ANKS1B: variants seen among roughly 807,000 people sequenced by gnomAD.
ANKS1B encodes ankyrin repeat and sterile alpha motif domain containing 1B, also known as ankyrin repeat and sterile alpha motif domain-containing protein 1B.
Under a neutral mutation model 148.3 loss-of-function variants are expected in ANKS1B, and 36 were observed. The ratio of observed to expected loss-of-function variants is 0.24; its 90% CI spans 0.19 to 0.32. The LOEUF is 0.32. Ranked by LOEUF, ANKS1B falls within the 10% of genes least tolerant of loss-of-function variation. The pLI is 1.00. For synonymous variants in ANKS1B, 542 were observed against 560.8 expected (o/e 0.97, Z 0.47); for missense variants, 1,157 against 1,542.6 (o/e 0.75, Z 4.19).
At chr12:99,436,351 T>C (rs953894038) in intron 11 of ANKS1B, among the ~76,000 whole-genome samples, 7 of 152,130 alleles carry the variant, frequency 4.6e-5, no homozygotes, top group East Asian at 1.9e-4. Context: ...ACCTACCTGA[T>C]AGAATTTTTG....
At chr12:99,322,007 G>T (rs563224331) in intron 12 of ANKS1B, among the ~76,000 whole-genome samples, 2 of 152,206 alleles carry the variant, frequency 1.3e-5, no homozygotes, top group Non-Finnish European at 2.9e-5. Context: ...CCATTACTGG[G>T]CATATACCCA....
intron 14 of ANKS1B, among the ~76,000 whole-genome samples, chr12:99,174,786 T>TA (rs1210430558): frequency 3.3e-5 from 5 of 152,246 alleles, no homozygotes; most frequent in African/African-American, 9.6e-5. Context: ...TTTACAAATA[T>TA]AAAAAAATTA....
intron 12 of ANKS1B, among the ~76,000 whole-genome samples, chr12:99,350,236 G>A (rs2152381982): frequency 6.6e-6 from 1 of 152,116 alleles, no homozygotes. Context: ...CTACTGCCAT[G>A]ATTGTAACTT....
chr12:98,835,856 A>G (rs759136258), intron 17 of ANKS1B, among the ~76,000 whole-genome samples: 11 of 152,228 alleles, frequency 7.2e-5, no homozygotes, highest in Non-Finnish European at 1.5e-4. Flanking sequence ...ATCACTGAAG[A>G]TACTGATGGT....
intron 14 of ANKS1B, among the ~76,000 whole-genome samples, chr12:99,176,712 G>T (rs1475726003): frequency 6.6e-6 from 1 of 152,102 alleles, no homozygotes; most frequent in Non-Finnish European, 1.5e-5. Flanking sequence ...GTTCACATGA[G>T]ATCTGGTCAT....
At chr12:99,753,877 G>T (rs2061336831) in intron 8 of ANKS1B, among the ~76,000 whole-genome samples, 1 of 151,908 alleles carries the variant, frequency 6.6e-6, no homozygotes, top group African/African-American at 2.4e-5. Flanking sequence ...CAAAAAATCA[G>T]CCGGGCATGG....
At chr12:99,129,051 G>A (rs894287203) in intron 15 of ANKS1B, among the ~76,000 whole-genome samples, 1 of 152,142 alleles carries the variant, frequency 6.6e-6, no homozygotes, top group Non-Finnish European at 1.5e-5. Context: ...GATGAAACAA[G>A]AGCCAAGGAA....
rs1396362199 is a variant in ANKS1B at position 99,020,066 on chromosome 12, T to C, written c.2778+33091A>G. Reference sequence around the variant, plus strand: ...TATTTTCTCTTTGGACATTTCTCCATCTTTCTTTTTTTTTTTGGTGTAAAA... The same window carrying C: ...TATTTTCTCTTTGGACATTTCTCCACCTTTCTTTTTTTTTTTGGTGTAAAA... On this transcript the variant is annotated intron_variant, in intron 17 of 26. Coordinates refer to ENST00000683438, the MANE Select transcript of ANKS1B (RefSeq NM_001352186.2). Among the ~76,000 whole-genome samples, 4 of 137,884 alleles carry C rather than the reference T, an allele frequency of 2.9e-5. 1 individual carries two copies. The highest frequency in any genetic ancestry group is 1.2e-4 in the African/African-American group (4 of 34,194). 90.5% of individuals were successfully genotyped at this position (137,884 alleles called of 152,430 possible).
intron 14 of ANKS1B, among the ~76,000 whole-genome samples, chr12:99,162,113 G>T (rs981527758): frequency 6.6e-5 from 10 of 152,118 alleles, no homozygotes; most frequent in Non-Finnish European, 1.3e-4. Context: ...TAAATAAAAG[G>T]TCAAGAATAG....
intron 16 of ANKS1B, among the ~76,000 whole-genome samples, chr12:99,075,071 G>C (rs775337990): frequency 6.6e-6 from 1 of 152,170 alleles, no homozygotes; most frequent in Non-Finnish European, 1.5e-5. Context: ...GAAGAAGGAT[G>C]AGAGTTAAGG....
chr12:98,982,178 TA>T (rs1397547447), intron 17 of ANKS1B, among the ~76,000 whole-genome samples: 1 of 152,188 alleles, frequency 6.6e-6, no homozygotes, highest in African/African-American at 2.4e-5. Flanking sequence ...AAGAATGCTA[TA>T]AAAATATATG....
At chr12:99,016,233 A>G (rs938642750) in intron 17 of ANKS1B, among the ~76,000 whole-genome samples, 1 of 152,250 alleles carries the variant, frequency 6.6e-6, no homozygotes, top group Non-Finnish European at 1.5e-5. Context: ...GTTAGAACCC[A>G]TGACACCCCT....
chr12:99,131,187 A>T (rs2065982808), intron 15 of ANKS1B, among the ~76,000 whole-genome samples: 1 of 152,162 alleles, frequency 6.6e-6, no homozygotes, highest in South Asian at 2.1e-4. Context: ...TCCAGGGGCC[A>T]GGACAGTCCC....
chr12:99,244,038 A>G (rs1159559066), intron 14 of ANKS1B, among the ~76,000 whole-genome samples: 1 of 152,034 alleles, frequency 6.6e-6, no homozygotes, highest in East Asian at 1.9e-4. Flanking sequence ...AAGACTTACA[A>G]CCAACAGAGA....
At chr12:99,108,413 C>T (rs937620584) in intron 15 of ANKS1B, among the ~76,000 whole-genome samples, 4 of 152,006 alleles carry the variant, frequency 2.6e-5, no homozygotes, top group South Asian at 2.1e-4. Flanking sequence ...ATTTGAAGAA[C>T]GTATAAATGA....
chr12:99,154,726 C>A (rs527358640), intron 14 of ANKS1B: 36 of 1,439,490 alleles, frequency 2.5e-5, no homozygotes, highest in Non-Finnish European at 3.1e-5. Context: ...GGCTGGTCTG[C>A]GTTCTATGTG....
At chr12:99,751,713 C>G (rs968050760) in intron 8 of ANKS1B, among the ~76,000 whole-genome samples, 3 of 152,022 alleles carry the variant, frequency 2.0e-5, no homozygotes, top group African/African-American at 7.2e-5. Flanking sequence ...TCAAGGGGTT[C>G]ACAGTCTAAT....
At chr12:99,146,374 G>A (rs993241836) in intron 15 of ANKS1B, among the ~76,000 whole-genome samples, 2 of 152,180 alleles carry the variant, frequency 1.3e-5, no homozygotes, top group Admixed American at 6.6e-5. Flanking sequence ...CCAGACGGCA[G>A]GATAGTGTTG....
intron 17 of ANKS1B, among the ~76,000 whole-genome samples, chr12:98,842,287 C>T (rs1305981794): frequency 1.3e-5 from 2 of 152,068 alleles, no homozygotes; most frequent in Non-Finnish European, 2.9e-5. Flanking sequence ...ATCAACAGAC[C>T]TCAAAAACAT....
Sources: gnomAD v4.1 joint callset for allele counts (sites outside exome capture counted in the v4.1 genomes callset) on GRCh38, gnomAD v4.1.1 for gene constraint, MANE v1.5 for transcripts, NCBI Gene and HGNC (gene_info 2026-07-23, HGNC 2026-07-21) for gene names.